The following PSTPIP1 variants were observed in gnomAD, a reference collection of about 807,000 sequenced individuals.
PSTPIP1 encodes proline-serine-threonine phosphatase-interacting protein 1.
A neutral mutation model predicts 69.6 loss-of-function variants in PSTPIP1; 66 were observed. The ratio of observed to expected loss-of-function variants is 0.95; its 90% CI spans 0.78 to 1.16. The LOEUF (loss-of-function observed/expected upper bound fraction) is 1.16. PSTPIP1 is among the 50% of genes most tolerant of loss of function. The probability of loss-of-function intolerance (pLI) is 0.00; values close to 1 mark genes in which losing one functional copy is unlikely to be tolerated. For synonymous variants in PSTPIP1, 266 were observed against 222.7 expected (o/e 1.19, Z -1.73); for missense variants, 603 against 557.4 (o/e 1.08, Z -0.82).
At chr15:77,036,177 T>A (rs1172417601) in intron 14 of PSTPIP1, among the ~76,000 whole-genome samples, 1 of 152,186 alleles carries the variant, frequency 6.6e-6, no homozygotes, top group Non-Finnish European at 1.5e-5. Flanking sequence ...AGTGTGCATG[T>A]ACTGACTGGA....
intron 1 of PSTPIP1, among the ~76,000 whole-genome samples, chr15:76,997,178 C>T (rs968237028): frequency 2.0e-5 from 3 of 152,248 alleles, no homozygotes; most frequent in African/African-American, 7.2e-5. Flanking sequence ...TGAGCGGCAT[C>T]CTGCCCACAC....
At chr15:77,033,048 CCTA>C (rs1307881843) in intron 12 of PSTPIP1, 96 bp downstream of exon 12, 6 of 1,219,824 alleles carry the variant, frequency 4.9e-6, no homozygotes, top group African/African-American at 1.5e-5. Context: ...TCACTGAGCA[CCTA>C]CTATGTGTCT....
At chr15:77,014,306 C>T (rs540169857) in intron 1 of PSTPIP1, among the ~76,000 whole-genome samples, 4 of 152,290 alleles carry the variant, frequency 2.6e-5, no homozygotes, top group African/African-American at 7.2e-5. Context: ...CGCACGATTT[C>T]ACTTGCTTCT....
upstream of PSTPIP1, chr15:76,994,737 A>G: frequency 1.6e-6 from 2 of 1,288,232 alleles, no homozygotes; most frequent in Non-Finnish European, 2.0e-6. Context: ...CTCCCAGACT[A>G]TGGGCTCCTT....
Position 77,035,582 on chromosome 15 carries a change from G to A in PSTPIP1, c.985+19G>A, listed in dbSNP as rs192912170. The stretch of plus-strand genomic sequence containing the variant: ...TCTGCTGGTAAAGGGGGTCAGGAGG[G>A]GACCCCCAAACACACTGATCCTGGG... On this transcript the variant is annotated intron_variant, in intron 13 of 14. Coordinates refer to ENST00000558012, the MANE Select transcript of PSTPIP1 (RefSeq NM_003978.5). 14 of 1,567,452 alleles carry A rather than the reference G, an allele frequency of 8.9e-6. No homozygotes were observed. The South Asian group carries it at 1.4e-4, about 16-fold the overall frequency.
chr15:77,032,868 T>C lies in PSTPIP1; in HGVS notation c.845T>C (p.Val282Ala). ...CACGGCTTGCTGTCTGCAGCTCCGGTGCCCTACCAGAACTATTACGATCGG... is the reference window on the plus strand; with the variant it reads ...CACGGCTTGCTGTCTGCAGCTCCGGCGCCCTACCAGAACTATTACGATCGG... ...KSTGTEPPAP[V>A]PYQNYYDREV... Residue 282 changes from valine to alanine, a missense_variant, in exon 12 of 15, where the codon GTG becomes GCG. Val to Ala is a moderately conservative substitution (Grantham distance 64, BLOSUM62 0). Transcript: ENST00000558012. The C allele has an allele frequency of 6.3e-7, 1 of 1,585,132 alleles. No homozygotes were observed. Among genetic ancestry groups the C allele is most frequent in the Non-Finnish European group, 8.6e-7 (1 of 1,166,116 alleles).
intron 1 of PSTPIP1, among the ~76,000 whole-genome samples, chr15:77,014,512 G>A (rs1175723560): frequency 6.6e-6 from 1 of 152,204 alleles, no homozygotes; most frequent in African/African-American, 2.4e-5. Context: ...GGGGCGGGCT[G>A]TCAGGGCCCG....
At chr15:76,998,066 T>C (rs2075619616) in intron 1 of PSTPIP1, among the ~76,000 whole-genome samples, 1 of 152,166 alleles carries the variant, frequency 6.6e-6, no homozygotes, top group Non-Finnish European at 1.5e-5. Context: ...GGTGAAACCC[T>C]GTCTCTACTA....
In PSTPIP1 at chr15:77,014,301, G is replaced by A. The variant is rs369232421; in HGVS notation, c.37-3847G>A. 3.3e-5 allele frequency among the ~76,000 whole-genome samples: 5 copies of A among 152,254 alleles called. No homozygotes were observed. In the East Asian group the frequency reaches 5.8e-4, roughly 18 times the overall value. On this transcript the variant is annotated intron_variant, in intron 1 of 14. Coordinates refer to ENST00000558012, the MANE Select transcript of PSTPIP1 (RefSeq NM_003978.5). ...GTCCACTGTTCTCACCTATGCGCACGATTTCACTTGCTTCTCGGGTCACCT... is the reference window on the plus strand; with the variant it reads ...GTCCACTGTTCTCACCTATGCGCACAATTTCACTTGCTTCTCGGGTCACCT...
In PSTPIP1 at chr15:77,027,825, C is replaced by T. The variant is rs1383646414; in HGVS notation, c.355-27C>T. The T allele has an allele frequency of 8.4e-6, 13 of 1,554,342 alleles. No individual in the cohort carries two copies. Among genetic ancestry groups the T allele is most frequent in the East Asian group, 4.9e-5 (2 of 41,108 alleles). ...GGGAGCCTCCCGAGGCCGCGGCCCT[C>T]GGCTCAGAACCTCGTGTCCCCTGCA... On this transcript the variant is annotated intron_variant, in intron 5 of 14. Coordinates refer to ENST00000558012, the MANE Select transcript of PSTPIP1 (RefSeq NM_003978.5). The surrounding 1 kb of genome is among the most constrained non-coding windows in gnomAD (Gnocchi z 4.3).
intron 5 of PSTPIP1, chr15:77,026,126 T>C (rs1174060214): frequency 2.2e-6 from 1 of 456,072 alleles, no homozygotes; most frequent in East Asian, 6.9e-5. Context: ...GGCATGGCTG[T>C]CCCGAGACAG....
At chr15:77,008,768 G>A (rs1267914172) in intron 1 of PSTPIP1, among the ~76,000 whole-genome samples, 1 of 152,172 alleles carries the variant, frequency 6.6e-6, no homozygotes, top group Non-Finnish European at 1.5e-5. Flanking sequence ...ATAGTGAGTG[G>A]TCCCAGAGAG....
chr15:77,035,026 A>C (rs1377956698), intron 12 of PSTPIP1, among the ~76,000 whole-genome samples: 2 of 152,218 alleles, frequency 1.3e-5, no homozygotes, highest in Non-Finnish European at 2.9e-5. Flanking sequence ...TGGAGGCCTC[A>C]GCAGGGCACG....
rs567380193 is a variant in PSTPIP1, at chr15:77,029,474, T to C, written c.517-55T>C. On this transcript the variant is annotated intron_variant, in intron 7 of 14. Coordinates refer to ENST00000558012, the MANE Select transcript of PSTPIP1 (RefSeq NM_003978.5). ...GACAGTCACTTCAGGTCTGCTGGGG[T>C]GGGCCCTGGCTCCTGGGGCAGGGGC... 303 of 1,547,420 alleles carry C rather than the reference T, an allele frequency of 2.0e-4. 1 individual carries two copies. In the African/African-American group the frequency reaches 3.9e-3, roughly 20 times the overall value.
At chr15:76,997,137 G>A (rs2075598076) in intron 1 of PSTPIP1, among the ~76,000 whole-genome samples, 2 of 152,242 alleles carry the variant, frequency 1.3e-5, no homozygotes, top group African/African-American at 4.8e-5. Context: ...AGCCGCAGCA[G>A]AAGCAAGCAG....
In PSTPIP1 at chr15:76,995,468, G is replaced by A. The variant is rs755790871; in HGVS notation, c.-106G>A. The A allele has an allele frequency of 6.3e-7, 1 of 1,589,280 alleles. No homozygotes were observed. Among genetic ancestry groups the A allele is most frequent in the African/African-American group, 1.3e-5 (1 of 74,534 alleles). ...CAGACGGCGCCGGCCGGGAAGGGGG[G>A]CCTGGGCCAGCCCTGCCAGGACTGG... On this transcript the variant is annotated 5_prime_UTR_variant, in exon 1 of 15. Transcript: ENST00000558012.
At chr15:77,000,940 A>G (rs1316252930) in intron 1 of PSTPIP1, among the ~76,000 whole-genome samples, 1 of 152,106 alleles carries the variant, frequency 6.6e-6, no homozygotes, top group African/African-American at 2.4e-5. Flanking sequence ...TGTATGGTTC[A>G]GTAGCGCTAG....
At chr15:76,998,322 G>A (rs374056644) in intron 1 of PSTPIP1, among the ~76,000 whole-genome samples, 1 of 152,180 alleles carries the variant, frequency 6.6e-6, no homozygotes, top group Admixed American at 6.5e-5. Flanking sequence ...TACAGAACAC[G>A]GGGCGGAGGA....
At chr15:77,014,480 A>G (rs112719973) in intron 1 of PSTPIP1, among the ~76,000 whole-genome samples, 96 of 152,272 alleles carry the variant, frequency 6.3e-4, no homozygotes, top group African/African-American at 2.2e-3. Context: ...TGTGGCCTAC[A>G]CTAACAGGAC....
Sources: allele counts gnomAD v4.1 joint callset (sites outside exome capture counted in the v4.1 genomes callset), GRCh38; gene constraint gnomAD v4.1.1; non-coding constraint Gnocchi (gnomAD v3.1); transcripts MANE v1.5; gene names NCBI Gene and HGNC (gene_info 2026-07-23, HGNC 2026-07-21).